CNTNAP2: variants seen among roughly 807,000 people sequenced by gnomAD.
CNTNAP2 encodes the protein contactin-associated protein-like 2.
CNTNAP2 carries 98 observed loss-of-function variants against 155.2 expected under a neutral mutation model. The observed-to-expected ratio is 0.63, with a 90% CI of 0.54 to 0.75. CNTNAP2 has a LOEUF of 0.75. Among genes scored for constraint, CNTNAP2 ranks in the 30% least tolerant of loss-of-function variants. The probability of loss-of-function intolerance (pLI) is 0.00; values close to 1 mark genes in which losing one functional copy is unlikely to be tolerated. For missense variants in CNTNAP2, 1,727 were observed against 1,688.1 expected (o/e 1.02, Z -0.40); for synonymous variants, 651 against 631.2 (o/e 1.03, Z -0.47).
chr7:146,853,078 TAAAAGAAACCAGACCAATAC>T (rs1298905876), intron 3 of CNTNAP2, among the ~76,000 whole-genome samples: 1 of 152,172 alleles, frequency 6.6e-6, no homozygotes, highest in Non-Finnish European at 1.5e-5. Context: ...AAGTATTTGA[TAAAAGAAACCAGACCAATAC>T]AAAAGAAACG....
chr7:146,616,993 T>A (rs563508227), intron 1 of CNTNAP2, among the ~76,000 whole-genome samples: 1 of 149,374 alleles, frequency 6.7e-6, no homozygotes, highest in Admixed American at 6.6e-5. Context: ...ATAGAAAAAG[T>A]GTGTATTCCA....
intron 14 of CNTNAP2, among the ~76,000 whole-genome samples, chr7:147,905,604 G>A (rs184828564): frequency 3.0e-4 from 46 of 152,246 alleles, no homozygotes; most frequent in East Asian, 1.5e-3. Flanking sequence ...TGAAAGTGGC[G>A]GGGCGTAGTG....
At chr7:147,852,251 C>T (rs1032173791) in intron 13 of CNTNAP2, among the ~76,000 whole-genome samples, 1 of 152,306 alleles carries the variant, frequency 6.6e-6, no homozygotes, top group Non-Finnish European at 1.5e-5. Context: ...TATAGCCCCA[C>T]AACCTTAATT....
intron 13 of CNTNAP2, among the ~76,000 whole-genome samples, chr7:147,796,564 A>C (rs1380007977): frequency 6.7e-6 from 1 of 148,208 alleles, no homozygotes; most frequent in Admixed American, 6.7e-5. Flanking sequence ...TATAGCAGGA[A>C]GCTGGTCCAG....
chr7:147,246,197 G>A (rs1256527650), intron 8 of CNTNAP2, among the ~76,000 whole-genome samples: 3 of 150,564 alleles, frequency 2.0e-5, no homozygotes, highest in Non-Finnish European at 4.4e-5. Flanking sequence ...TTTGCAGGTG[G>A]GCCAGCACGT....
chr7:148,067,425 A>T (rs1803288585), intron 15 of CNTNAP2, among the ~76,000 whole-genome samples: 1 of 152,228 alleles, frequency 6.6e-6, no homozygotes, highest in Admixed American at 6.5e-5. Context: ...ACTGGGGAGT[A>T]TCTGCAAAGA....
chr7:146,592,829 G>A (rs1798802988), intron 1 of CNTNAP2, among the ~76,000 whole-genome samples: 2 of 152,118 alleles, frequency 1.3e-5, no homozygotes, highest in Non-Finnish European at 2.9e-5. Flanking sequence ...ATTTGATGGG[G>A]ACATACGGGA....
At chr7:147,813,160 T>C (rs1798208939) in intron 13 of CNTNAP2, among the ~76,000 whole-genome samples, 1 of 150,720 alleles carries the variant, frequency 6.6e-6, no homozygotes, top group South Asian at 2.1e-4. Context: ...GATGGACTCA[T>C]AGCTTATACT....
intron 21 of CNTNAP2, among the ~76,000 whole-genome samples, chr7:148,372,881 G>A (rs576503251): frequency 6.6e-6 from 1 of 151,994 alleles, no homozygotes; most frequent in African/African-American, 2.4e-5. Flanking sequence ...TTTTATATGC[G>A]TATTCTATAA....
At chr7:147,435,758 G>A (rs1797539164) in intron 10 of CNTNAP2, among the ~76,000 whole-genome samples, 1 of 152,128 alleles carries the variant, frequency 6.6e-6, no homozygotes, top group East Asian at 1.9e-4. Flanking sequence ...TCATTTTGAG[G>A]CAGGTATTTA....
intron 1 of CNTNAP2, among the ~76,000 whole-genome samples, chr7:146,325,430 C>T (rs925619495): frequency 2.0e-5 from 3 of 151,890 alleles, no homozygotes; most frequent in Non-Finnish European, 4.4e-5. Context: ...GGTATTTCTC[C>T]GGCCAATGAA....
chr7:147,631,671 TAGCCAAATATTTAA>T (rs1563030429), intron 12 of CNTNAP2, among the ~76,000 whole-genome samples: 1 of 152,044 alleles, frequency 6.6e-6, no homozygotes, highest in South Asian at 2.1e-4. Context: ...TCCAGAAATA[TAGCCAAATATTTAA>T]AGCCAACTGA....
chr7:147,486,067 A>T (rs1446172563), intron 11 of CNTNAP2, 26 bp downstream of exon 11: 8 of 1,581,408 alleles, frequency 5.1e-6, no homozygotes, highest in Non-Finnish European at 6.1e-6. Flanking sequence ...TCTCACTTTA[A>T]TCTTGTAATT....
At chr7:147,551,440 G>A (rs1459176724) in intron 11 of CNTNAP2, among the ~76,000 whole-genome samples, 1 of 152,138 alleles carries the variant, frequency 6.6e-6, no homozygotes, top group East Asian at 1.9e-4. Flanking sequence ...TACTGAAGGG[G>A]CTTACTTTGA....
At chr7:147,356,871 G>A (rs902760060) in intron 9 of CNTNAP2, among the ~76,000 whole-genome samples, 1 of 152,050 alleles carries the variant, frequency 6.6e-6, no homozygotes, top group Non-Finnish European at 1.5e-5. Flanking sequence ...TTTCTTTGAG[G>A]CTGTGTCTTG....
intron 1 of CNTNAP2, among the ~76,000 whole-genome samples, chr7:146,415,697 A>G (rs1795928488): frequency 1.3e-5 from 2 of 151,136 alleles, no homozygotes; most frequent in African/African-American, 4.9e-5. Flanking sequence ...TAAGTTTAAA[A>G]AAATTTAAAA....
chr7:148,269,899 C>T (rs1283023340), intron 21 of CNTNAP2, among the ~76,000 whole-genome samples: 2 of 152,176 alleles, frequency 1.3e-5, no homozygotes, highest in Non-Finnish European at 2.9e-5. Flanking sequence ...TCCATCAAAA[C>T]AAACGCTACA....
rs751537152 is a variant in CNTNAP2, at chr7:148,099,868, G to GTTT, written c.2384-18230_2384-18228dup. On this transcript the variant is annotated intron_variant, in intron 15 of 23. Transcript: ENST00000361727. The stretch of plus-strand genomic sequence containing the variant: ...GCTCCTCCCTCCTTTTTTTTTTTTG[G>GTTT]TTTTTTTTTTTTTTTTTTTTTTGAG... 4.2e-3 allele frequency among the ~76,000 whole-genome samples: 374 copies of GTTT among 88,832 alleles called. 5 individuals carry two copies. Among genetic ancestry groups the GTTT allele is most frequent in the African/African-American group, 7.7e-3 (151 of 19,736 alleles). 58.3% of individuals were successfully genotyped at this position (88,832 alleles called of 152,430 possible).
At chr7:146,516,511 C>A (rs552427162) in intron 1 of CNTNAP2, among the ~76,000 whole-genome samples, 1 of 151,876 alleles carries the variant, frequency 6.6e-6, no homozygotes. Flanking sequence ...GGGCATTTTG[C>A]GGCAGTATTG....
Sources: gnomAD v4.1 joint callset for allele counts (sites outside exome capture counted in the v4.1 genomes callset) on GRCh38, gnomAD v4.1.1 for gene constraint, MANE v1.5 for transcripts, NCBI Gene and HGNC (gene_info 2026-07-23, HGNC 2026-07-21) for gene names.